Variants in LRRC8D observed in about 807,000 individuals in gnomAD.
The protein encoded by LRRC8D is leucine rich repeat containing 8 VRAC subunit D.
In LRRC8D, 20 loss-of-function variants were observed where a neutral mutation model predicts 55.8. The ratio of observed to expected loss-of-function variants is 0.36; its 90% CI spans 0.25 to 0.52. The LOEUF (loss-of-function observed/expected upper bound fraction) is 0.52. Among genes scored for constraint, LRRC8D ranks in the 20% least tolerant of loss-of-function variants. The probability of loss-of-function intolerance (pLI) is 0.93; values close to 1 mark genes in which losing one functional copy is unlikely to be tolerated. For synonymous variants in LRRC8D, 352 were observed against 377.0 expected (o/e 0.93, Z 0.77); for missense variants, 651 against 1,030.8 (o/e 0.63, Z 5.05).
In LRRC8D at chr1:89,935,439, C is replaced by T. The variant is rs145230984; in HGVS notation, c.2371C>T (p.Pro791Ser). ...GGGACAGAACTGCATCACCTCACTC[C>T]CAGAGAAAGTTGGTCAGCTCTCCCA... The part of the protein sequence containing the change: ...NLGQNCITSL[P>S]EKVGQLSQLT... The change falls in exon 3 of 3, where the codon CCA (proline) becomes TCA (serine). Residue 791 changes from proline (P) to serine (S), a missense_variant. By Grantham distance (74) the Pro-to-Ser change is moderately conservative. Transcript: ENST00000337338. The T allele has an allele frequency of 1.6e-5, 26 of 1,614,082 alleles. No individual in the cohort carries two copies. The highest frequency in any genetic ancestry group is 4.0e-5 in the African/African-American group (3 of 74,936).
intron 2 of LRRC8D, among the ~76,000 whole-genome samples, chr1:89,895,037 G>T (rs1337015306): frequency 6.6e-6 from 1 of 151,020 alleles, no homozygotes; most frequent in South Asian, 2.1e-4. Context: ...AAGCAAGCAG[G>T]CTGATGTCTC....
chr1:89,825,134 A>T (rs929777385), intron 1 of LRRC8D, among the ~76,000 whole-genome samples: 1 of 152,140 alleles, frequency 6.6e-6, no homozygotes. Flanking sequence ...TTCTAATTAT[A>T]TCAGAGAGGA....
rs1426744489 is a variant in LRRC8D, at chr1:89,934,872, G to T, written c.1804G>T (p.Val602Phe). 6.2e-7 allele frequency: 1 copy of T among 1,614,128 alleles called. No homozygotes were observed. The highest frequency in any genetic ancestry group is 8.5e-7 in the Non-Finnish European group (1 of 1,180,016). Reference sequence around the variant, plus strand: ...CCACGTGAAGAGCAATTTGACCAAAGTTCCCTCCAACATTACAGATGTGGC... The same window carrying T: ...CCACGTGAAGAGCAATTTGACCAAATTTCCCTCCAACATTACAGATGTGGC... ...ILHVKSNLTK[V>F]PSNITDVAPH... Residue 602 changes from valine (V) to phenylalanine (F), a missense_variant, in exon 3 of 3, where the codon GTT becomes TTT. Coordinates refer to ENST00000337338, the MANE Select transcript of LRRC8D (RefSeq NM_001134479.2). This position sits in a 1 kb window ranked among gnomAD's most constrained non-coding sequence, Gnocchi z 5.9.
At chr1:89,862,005 T>C (rs1490333140) in intron 2 of LRRC8D, among the ~76,000 whole-genome samples, 1 of 152,200 alleles carries the variant, frequency 6.6e-6, no homozygotes, top group Non-Finnish European at 1.5e-5. Flanking sequence ...AGTTATTGAT[T>C]ACAAAGTGTA....
At chr1:89,923,596 A>C (rs536634539) in intron 2 of LRRC8D, among the ~76,000 whole-genome samples, 1 of 152,244 alleles carries the variant, frequency 6.6e-6, no homozygotes, top group South Asian at 2.1e-4. Flanking sequence ...TAAAATTCAT[A>C]TGGAACCCAA....
At chr1:89,881,526 G>C (rs1004282601) in intron 2 of LRRC8D, among the ~76,000 whole-genome samples, 8 of 152,180 alleles carry the variant, frequency 5.3e-5, no homozygotes, top group African/African-American at 1.9e-4. Flanking sequence ...CCCAGGTACA[G>C]TTGCAGAGTA....
At chr1:89,838,226 A>C (rs752144408) in intron 1 of LRRC8D, among the ~76,000 whole-genome samples, 7 of 151,616 alleles carry the variant, frequency 4.6e-5, no homozygotes, top group Non-Finnish European at 1.0e-4. Context: ...GAAAAAAGAA[A>C]AATTAGCTGG....
chr1:89,860,589 C>T (rs1220840354), intron 2 of LRRC8D, among the ~76,000 whole-genome samples: 4 of 150,278 alleles, frequency 2.7e-5, no homozygotes, highest in Admixed American at 2.6e-4. Context: ...GAAACCCTGT[C>T]TCTACTAAAA....
At chr1:89,839,095 A>G (rs1661072032) in intron 1 of LRRC8D, among the ~76,000 whole-genome samples, 1 of 152,206 alleles carries the variant, frequency 6.6e-6, no homozygotes, top group Non-Finnish European at 1.5e-5. Context: ...TTCAATTAAA[A>G]GAAGGAAGAA....
intron 2 of LRRC8D, among the ~76,000 whole-genome samples, chr1:89,913,919 A>C (rs1259903955): frequency 6.6e-6 from 1 of 152,230 alleles, no homozygotes; most frequent in Non-Finnish European, 1.5e-5. Flanking sequence ...AACCATGAGC[A>C]GCTTCAGCTG....
intron 1 of LRRC8D, among the ~76,000 whole-genome samples, chr1:89,837,001 A>G (rs1167215238): frequency 6.6e-6 from 1 of 152,152 alleles, no homozygotes; most frequent in Non-Finnish European, 1.5e-5. Context: ...TAGCCTGCTT[A>G]ACTTGTGTGG....
chr1:89,875,046 G>C (rs2100832958), intron 2 of LRRC8D, among the ~76,000 whole-genome samples: 1 of 152,104 alleles, frequency 6.6e-6, no homozygotes, highest in African/African-American at 2.4e-5. Context: ...TTAGTGGGGG[G>C]AATATCTATC....
At chr1:89,892,972 C>T (rs776951018) in intron 2 of LRRC8D, among the ~76,000 whole-genome samples, 8 of 152,028 alleles carry the variant, frequency 5.3e-5, no homozygotes, top group Non-Finnish European at 8.8e-5. Context: ...TTCATTCATT[C>T]ATTTATTTAT....
chr1:89,911,101 G>A lies in LRRC8D; in HGVS notation c.-2-21966G>A, dbSNP rs951090321. ...TGACCTTCCCAGGGAGTTTCAGCGG[G>A]TGAGAAAGCCTGACACTGCTTGGAT... On this transcript the variant is annotated intron_variant, in intron 2 of 2. Transcript: ENST00000337338. The surrounding 1 kb of genome is among the most constrained non-coding windows in gnomAD (Gnocchi z 4.0). 6.6e-6 allele frequency among the ~76,000 whole-genome samples: 1 copy of A among 151,884 alleles called. No homozygotes were observed. The highest frequency in any genetic ancestry group is 2.4e-5 in the African/African-American group (1 of 41,326).
intron 2 of LRRC8D, among the ~76,000 whole-genome samples, chr1:89,884,115 C>T (rs889186688): frequency 1.3e-5 from 2 of 152,112 alleles, no homozygotes; most frequent in Admixed American, 6.5e-5. Flanking sequence ...AAGTAGGGCA[C>T]GTTGTTTGAA....
chr1:89,874,141 CTTTG>C (rs1362717535), intron 2 of LRRC8D, among the ~76,000 whole-genome samples: 1 of 152,142 alleles, frequency 6.6e-6, no homozygotes, highest in Non-Finnish European at 1.5e-5. Context: ...TTTGTAGGTA[CTTTG>C]TTTAATGAAT....
chr1:89,932,944 T>C (rs1663748469), intron 2 of LRRC8D, 123 bp from the exon 3 acceptor site: 2 of 749,248 alleles, frequency 2.7e-6, no homozygotes, highest in Non-Finnish European at 4.3e-6. Flanking sequence ...ACTACATTTA[T>C]ATTGGATAAA....
intron 2 of LRRC8D, among the ~76,000 whole-genome samples, chr1:89,884,942 T>TA (rs1250736986): frequency 1.3e-5 from 2 of 152,198 alleles, no homozygotes; most frequent in African/African-American, 2.4e-5. Context: ...GTCCCACTGA[T>TA]ATCATGCTTG....
chr1:89,831,914 CGGG>C (rs1660896242), intron 1 of LRRC8D, among the ~76,000 whole-genome samples: 3 of 152,096 alleles, frequency 2.0e-5, no homozygotes, highest in Admixed American at 2.0e-4. Flanking sequence ...TGACATTGAG[CGGG>C]TATACACAGC....
Sources: gnomAD v4.1 joint callset for allele counts (sites outside exome capture counted in the v4.1 genomes callset) on GRCh38, gnomAD v4.1.1 for gene constraint, Gnocchi (gnomAD v3.1) non-coding constraint, MANE v1.5 for transcripts, NCBI Gene and HGNC (gene_info 2026-07-23, HGNC 2026-07-21) for gene names.